DIDO1: variants seen among roughly 807,000 people sequenced by gnomAD.
The protein encoded by DIDO1 is death inducer-obliterator 1, also known as death-inducer obliterator 1.
DIDO1 carries 16 observed loss-of-function variants against 99.4 expected under a neutral mutation model. The ratio of observed to expected loss-of-function variants is 0.16; its 90% CI spans 0.11 to 0.24. The LOEUF is 0.24. DIDO1 is among the 10% of genes least tolerant of loss of function. The pLI, the probability that DIDO1 is intolerant of heterozygous loss-of-function variation, is 1.00. For synonymous variants in DIDO1, 1,366 were observed against 1,239.1 expected, an observed-to-expected ratio of 1.10 and a Z score of -2.15; for missense variants, 2,996 against 3,014.0, an observed-to-expected ratio of 0.99 and a Z score of 0.14.
At chr20:62,909,162 G>A (rs2064870756) in intron 4 of DIDO1, among the ~76,000 whole-genome samples, 1 of 152,254 alleles carries the variant, frequency 6.6e-6, no homozygotes, top group Non-Finnish European at 1.5e-5. Context: ...CGGGACCCTG[G>A]AGGGACCAGA....
At chr20:62,937,792 G>A in intron 1 of DIDO1, 1 of 398,312 alleles carries the variant, frequency 2.5e-6, no homozygotes, top group Non-Finnish European at 4.4e-6. Flanking sequence ...AAAAAAGCTG[G>A]GACCTTCGCC....
In DIDO1 at chr20:62,880,719, G is replaced by A. The variant is rs1209029760; in HGVS notation, c.5237C>T (p.Ser1746Phe). The A allele has an allele frequency of 1.2e-6, 2 of 1,612,580 alleles. No homozygotes were observed. Among genetic ancestry groups the A allele is most frequent in the African/African-American group, 1.3e-5 (1 of 74,956 alleles). ...CCGCTGACCCTGAAACGGGGGCTGAGAGCCCCCCACTTTCTGTCCTGGTGG... is the reference window on the plus strand; with the variant it reads ...CCGCTGACCCTGAAACGGGGGCTGAAAGCCCCCCACTTTCTGTCCTGGTGG... The part of the protein sequence containing the change: ...LPPPGQKVGG[S>F]QPPFQGQREP... The change falls in exon 16 of 16, where the codon TCT (serine) becomes TTT (phenylalanine). Residue 1746 changes from serine to phenylalanine, a missense_variant. By Grantham distance (155) the Ser-to-Phe change is radical. This residue lies in a region of DIDO1 where 1,562 missense variants were observed against 1,412.6 expected (regional missense o/e 1.11). Coordinates refer to ENST00000395343, the MANE Select transcript of DIDO1 (RefSeq NM_001193369.2).
At chr20:62,913,093 C>G (rs2064977027) in intron 2 of DIDO1, among the ~76,000 whole-genome samples, 1 of 152,212 alleles carries the variant, frequency 6.6e-6, no homozygotes. Flanking sequence ...CTGTGTTGTT[C>G]TTTTTGCTTC....
rs2064349766 is a variant in DIDO1, at chr20:62,889,201, C to G, written c.3541+1759G>C. 9.1e-6 allele frequency: 9 copies of G among 985,438 alleles called. No individual in the cohort carries two copies. In the South Asian group the frequency reaches 3.3e-4, roughly 36 times the overall value. The allele number at this position is 985,438 out of a possible 1,614,324, so 61.0% of individuals were successfully genotyped here. On this transcript the variant is annotated intron_variant, in intron 15 of 15. Coordinates refer to ENST00000395343, the MANE Select transcript of DIDO1 (RefSeq NM_001193369.2). ...TTGTCCCGGTGCCATCCGGGAGGTG[C>G]TGGGAGACCTGTCCTTTCCCTCTGC...
At chr20:62,899,619 A>G (rs564660642) in intron 6 of DIDO1, among the ~76,000 whole-genome samples, 8 of 152,336 alleles carry the variant, frequency 5.3e-5, no homozygotes, top group Non-Finnish European at 7.4e-5. Flanking sequence ...ATTTATTTTA[A>G]AAGCAGGAAA....
chr20:62,909,612 C>G, intron 4 of DIDO1, 87 bp downstream of exon 4: 1 of 1,531,280 alleles, frequency 6.5e-7, no homozygotes, highest in Non-Finnish European at 8.9e-7. Context: ...GGTGCAGCAC[C>G]CGTCCTGGGA....
chr20:62,898,767 G>A (rs747649081), intron 6 of DIDO1, among the ~76,000 whole-genome samples: 7 of 152,284 alleles, frequency 4.6e-5, no homozygotes, highest in Admixed American at 6.5e-5. Context: ...AAATGGCAAC[G>A]TCTAACACGA....
intron 15 of DIDO1, chr20:62,887,729 T>C (rs2064318576): frequency 9.1e-6 from 9 of 985,442 alleles, no homozygotes; most frequent in Non-Finnish European, 9.6e-6. Context: ...ACCTGACTCA[T>C]CTCCCTTCCA....
rs55934130 is a variant in DIDO1, at chr20:62,902,192, C to T, written c.1588+3695G>A. ...ACTTCACCGTGCAGGGTCACGGTTA[C>T]GGAGGTGTGAAACCTTTCCCTGATG... On this transcript the variant is annotated intron_variant, in intron 6 of 15. Coordinates refer to ENST00000395343, the MANE Select transcript of DIDO1 (RefSeq NM_001193369.2). Among the ~76,000 whole-genome samples the T allele has an allele frequency of 2.6e-3, 401 of 152,302 alleles. 1 individual carries two copies. Among genetic ancestry groups the T allele is most frequent in the African/African-American group, 9.1e-3 (380 of 41,572 alleles).
chr20:62,883,287 TATCA>T, intron 15 of DIDO1, among the ~76,000 whole-genome samples: 1 of 152,332 alleles, frequency 6.6e-6, no homozygotes, highest in Non-Finnish European at 1.5e-5. Context: ...AATATTAAAT[TATCA>T]ATAAAGTCAT....
chr20:62,895,542 CAAAGGAAGGAAG>C (rs2064500277), intron 8 of DIDO1, among the ~76,000 whole-genome samples: 1 of 152,162 alleles, frequency 6.6e-6, no homozygotes, highest in African/African-American at 2.4e-5. Context: ...GCGTCAGGAA[CAAAGGAAGGAAG>C]AAATCATTTC....
chr20:62,917,445 A>G (rs1230097852), intron 1 of DIDO1, among the ~76,000 whole-genome samples: 1 of 152,246 alleles, frequency 6.6e-6, no homozygotes, highest in African/African-American at 2.4e-5. Flanking sequence ...CTCAAATTTT[A>G]TCCTTAGCAA....
intron 6 of DIDO1, among the ~76,000 whole-genome samples, chr20:62,898,742 A>G (rs923156223): frequency 1.3e-5 from 2 of 152,234 alleles, no homozygotes; most frequent in Admixed American, 1.3e-4. Context: ...CTGGATCTTA[A>G]AAGCGCACTA....
chr20:62,906,913 C>T (rs950035966), intron 5 of DIDO1, among the ~76,000 whole-genome samples: 6 of 152,214 alleles, frequency 3.9e-5, no homozygotes, highest in African/African-American at 1.4e-4. Flanking sequence ...TTATGCCCCC[C>T]GTACACTGCC....
intron 15 of DIDO1, among the ~76,000 whole-genome samples, chr20:62,885,104 C>T (rs2064276771): frequency 1.3e-5 from 2 of 152,218 alleles, no homozygotes; most frequent in Non-Finnish European, 2.9e-5. Flanking sequence ...CTTCCTGGAC[C>T]ATACATCTGC....
chr20:62,915,405 A>G (rs1178008279), intron 1 of DIDO1, among the ~76,000 whole-genome samples: 2 of 152,190 alleles, frequency 1.3e-5, no homozygotes, highest in Admixed American at 6.5e-5. Flanking sequence ...CCTCAAAACA[A>G]TTACTTCAAG....
intron 6 of DIDO1, among the ~76,000 whole-genome samples, chr20:62,900,117 C>T (rs1324522818): frequency 6.6e-6 from 1 of 152,228 alleles, no homozygotes; most frequent in Non-Finnish European, 1.5e-5. Flanking sequence ...CTGCTGGGCC[C>T]CCTGGGGGCA....
At position 62,879,225 on chromosome 20, in the gene DIDO1, C is replaced by T; in HGVS notation, c.*8G>A. 1 of 1,488,336 alleles carries T rather than the reference C, an allele frequency of 6.7e-7. No homozygotes were observed. The highest frequency in any genetic ancestry group is 8.9e-7 in the Non-Finnish European group (1 of 1,124,820). 92.2% of individuals were successfully genotyped at this position (1,488,336 alleles called of 1,614,324 possible). A position where few individuals can be genotyped will look rare whatever the true frequency, so the allele number is the denominator to read the frequency against. ...GCTTTAAAAAGGGTCTCTGCCCGGC[C>T]GGGGCGTCTAGGCCTGCGAGGCGGT... On this transcript the variant is annotated 3_prime_UTR_variant, in exon 16 of 16. Transcript: ENST00000395343. This position sits in a 1 kb window ranked among gnomAD's most constrained non-coding sequence, Gnocchi z 6.3.
At chr20:62,900,810 C>T (rs2064654485) in intron 6 of DIDO1, among the ~76,000 whole-genome samples, 1 of 152,242 alleles carries the variant, frequency 6.6e-6, no homozygotes, top group African/African-American at 2.4e-5. Flanking sequence ...TGAATCCTGC[C>T]TATCACCATC....
Sources: allele counts gnomAD v4.1 joint callset (sites outside exome capture counted in the v4.1 genomes callset), GRCh38; gene constraint gnomAD v4.1.1; regional missense constraint gnomAD v4.1.1; non-coding constraint Gnocchi (gnomAD v3.1); transcripts MANE v1.5; gene names NCBI Gene and HGNC (gene_info 2026-07-23, HGNC 2026-07-21).